NBEAL1: variants seen among roughly 807,000 people sequenced by gnomAD.
The protein encoded by NBEAL1 is neurobeachin-like protein 1.
Under a neutral mutation model 351.3 loss-of-function variants are expected in NBEAL1, and 273 were observed. The observed-to-expected ratio is 0.78, with a 90% CI of 0.70 to 0.86. The LOEUF (loss-of-function observed/expected upper bound fraction) is 0.86, where lower values mean the gene tolerates loss of function less well. Ranked by LOEUF, NBEAL1 falls within the 40% of genes least tolerant of loss-of-function variation. The probability of loss-of-function intolerance (pLI) is 0.00; values close to 1 mark genes in which losing one functional copy is unlikely to be tolerated. For missense variants in NBEAL1, 2,961 were observed against 3,201.3 expected (o/e 0.92, Z 1.81); for synonymous variants, 1,050 against 1,086.4 (o/e 0.97, Z 0.66).
intron 20 of NBEAL1, 102 bp from the exon 21 acceptor site, chr2:203,125,858 C>T: frequency 1.0e-6 from 1 of 995,052 alleles, no homozygotes. Context: ...GACTGCTGAA[C>T]CAGATTTCTA....
intron 51 of NBEAL1, among the ~76,000 whole-genome samples, chr2:203,206,103 A>G (rs539916320): frequency 6.6e-6 from 1 of 152,348 alleles, no homozygotes; most frequent in South Asian, 2.1e-4. Flanking sequence ...AATTTTTTGC[A>G]ATACAATTGT....
At chr2:203,040,797 A>G (rs1351627466) in intron 2 of NBEAL1, 3 of 527,704 alleles carry the variant, frequency 5.7e-6, no homozygotes, top group Non-Finnish European at 7.3e-6. Context: ...GCTCACTGCA[A>G]CCTCCACTAT....
At chr2:203,054,437 A>AG (rs1056205568) in intron 4 of NBEAL1, among the ~76,000 whole-genome samples, 2 of 151,936 alleles carry the variant, frequency 1.3e-5, no homozygotes, top group African/African-American at 4.8e-5. Flanking sequence ...AAAAAAAAAA[A>AG]AAAATTTTTT....
intron 2 of NBEAL1, among the ~76,000 whole-genome samples, chr2:203,019,734 C>T (rs2105989045): frequency 6.6e-6 from 1 of 152,256 alleles, no homozygotes; most frequent in African/African-American, 2.4e-5. Context: ...TGCAAAAGTT[C>T]AGTAGGTCTA....
At chr2:203,153,986 C>T (rs1447517024) in intron 35 of NBEAL1, among the ~76,000 whole-genome samples, 1 of 152,024 alleles carries the variant, frequency 6.6e-6, no homozygotes, top group Non-Finnish European at 1.5e-5. Flanking sequence ...TGGCTCACGC[C>T]TGTAATCCCA....
intron 31 of NBEAL1, among the ~76,000 whole-genome samples, chr2:203,144,144 G>T (rs1420261175): frequency 4.0e-5 from 6 of 150,086 alleles, no homozygotes. Context: ...CCAGGAGGTG[G>T]AGGTTGCCGT....
At chr2:203,060,157 G>T (rs2061475225) in intron 6 of NBEAL1, among the ~76,000 whole-genome samples, 1 of 152,146 alleles carries the variant, frequency 6.6e-6, no homozygotes, top group African/African-American at 2.4e-5. Context: ...AATGGCAGAA[G>T]AGAGGCTTTT....
intron 41 of NBEAL1, among the ~76,000 whole-genome samples, chr2:203,173,525 G>A (rs1227663782): frequency 1.3e-5 from 2 of 152,208 alleles, no homozygotes; most frequent in Non-Finnish European, 2.9e-5. Flanking sequence ...TGATATGAAA[G>A]TAGGTGGTAC....
chr2:203,175,427 A>C, intron 42 of NBEAL1, 140 bp downstream of exon 42: 1 of 801,536 alleles, frequency 1.2e-6, no homozygotes, highest in Non-Finnish European at 1.9e-6. Flanking sequence ...AACTAGTTTG[A>C]GAATGAGTCA....
chr2:203,196,498 G>C (rs1055486125), intron 47 of NBEAL1, among the ~76,000 whole-genome samples: 2 of 152,086 alleles, frequency 1.3e-5, no homozygotes, highest in Non-Finnish European at 2.9e-5. Context: ...TAATAAATGG[G>C]TTTTTTTCAG....
chr2:203,027,007 C>G (rs1249819818), intron 2 of NBEAL1, among the ~76,000 whole-genome samples: 1 of 152,078 alleles, frequency 6.6e-6, no homozygotes, highest in African/African-American at 2.4e-5. Flanking sequence ...TTGATTTCTT[C>G]TTATTATTTT....
At chr2:203,195,822 G>A (rs565469676) in intron 47 of NBEAL1, among the ~76,000 whole-genome samples, 4 of 152,248 alleles carry the variant, frequency 2.6e-5, no homozygotes, top group Admixed American at 6.5e-5. Flanking sequence ...GAGGCTGGTC[G>A]CGTACACACC....
intron 36 of NBEAL1, among the ~76,000 whole-genome samples, chr2:203,158,477 T>A (rs185729034): frequency 2.0e-5 from 3 of 152,304 alleles, no homozygotes; most frequent in East Asian, 1.9e-4. Flanking sequence ...AGATACATTT[T>A]AAAATTTTTA....
Position 203,077,821 on chromosome 2 carries a change from T to C in NBEAL1, c.668T>C (p.Ile223Thr). Residue 223 changes from isoleucine (I) to threonine (T), a missense_variant, in exon 8 of 56, where the codon ATT (isoleucine) becomes ACT (threonine). Ile to Thr is a moderately conservative substitution (Grantham distance 89). Coordinates refer to ENST00000683969, the MANE Select transcript of NBEAL1 (RefSeq NM_001378026.1). ...TGCTTATTGCATCTCTTTGGAGCCA[T>C]TGTAGCCGGTGGGCAGGTAAGGAAA... ...KCCLLHLFGA[I>T]VAGGQRNALQ... 2.1e-6 allele frequency: 3 copies of C among 1,459,054 alleles called. No homozygotes were observed. Among genetic ancestry groups the C allele is most frequent in the Non-Finnish European group, 2.7e-6 (3 of 1,100,174 alleles). 90.4% of individuals were successfully genotyped at this position (1,459,054 alleles called of 1,614,324 possible).
At position 203,193,926 on chromosome 2, in the gene NBEAL1, G is replaced by C. The variant is rs779550950; in HGVS notation, c.7038+15G>C. The C allele has an allele frequency of 7.1e-7, 1 of 1,406,904 alleles. No individual in the cohort carries two copies. The highest frequency in any genetic ancestry group is 9.9e-7 in the Non-Finnish European group (1 of 1,006,934). The allele number at this position is 1,406,904 out of a possible 1,614,324, so 87.2% of individuals were successfully genotyped here. ...TTTTTATAGAGGTAATATCCTACTT[G>C]GTAATATCAAAAAGAGTTTTCTCTA... On this transcript the variant is annotated intron_variant, in intron 47 of 55. Transcript: ENST00000683969.
At chr2:203,147,966 C>G (rs991238407) in intron 33 of NBEAL1, among the ~76,000 whole-genome samples, 3 of 151,896 alleles carry the variant, frequency 2.0e-5, no homozygotes, top group African/African-American at 7.2e-5. Context: ...TAAGAATATC[C>G]TCATATTATT....
chr2:203,113,115 A>C lies in NBEAL1; in HGVS notation c.2303A>C (p.His768Pro). The C allele has an allele frequency of 6.4e-7, 1 of 1,552,926 alleles. No individual in the cohort carries two copies. Among genetic ancestry groups the C allele is most frequent in the East Asian group, 2.4e-5 (1 of 41,606 alleles). The change falls in exon 17 of 56, where the codon CAT (histidine) becomes CCT (proline). Residue 768 changes from histidine to proline, a missense_variant. Transcript: ENST00000683969. The stretch of plus-strand genomic sequence containing the variant: ...CCTTTCTCTTCTCCCATTACCCCTC[A>C]TCGGACATCATTTGGTGGAATTCTG... ...DPPFSSPITP[H>P]RTSFGGILSS...
At chr2:203,208,896 T>C (rs924968351) in intron 52 of NBEAL1, 143 bp downstream of exon 52, 10 of 653,970 alleles carry the variant, frequency 1.5e-5, no homozygotes, top group African/African-American at 1.5e-4. Context: ...AAAAGTAGAA[T>C]AGACTTTGCA....
chr2:203,137,914 G>A (rs897903293), intron 29 of NBEAL1, among the ~76,000 whole-genome samples: 3 of 151,352 alleles, frequency 2.0e-5, no homozygotes, highest in Middle Eastern at 3.2e-3. Flanking sequence ...AACCCAGGAG[G>A]CAGAGGTTGC....
Sources: gnomAD v4.1 joint callset for allele counts (sites outside exome capture counted in the v4.1 genomes callset) on GRCh38, gnomAD v4.1.1 for gene constraint, MANE v1.5 for transcripts, NCBI Gene and HGNC (gene_info 2026-07-23, HGNC 2026-07-21) for gene names.